TMPRSS9: variants seen among roughly 807,000 people sequenced by gnomAD.
The protein encoded by TMPRSS9 is transmembrane protease serine 9.
In TMPRSS9, 113 loss-of-function variants were observed where a neutral mutation model predicts 111.4. That is an observed-to-expected ratio of 1.01 (90% CI 0.87 to 1.19). The LOEUF (loss-of-function observed/expected upper bound fraction) is 1.19. Ranked by LOEUF, TMPRSS9 falls within the 50% of genes most tolerant of loss-of-function variation. The pLI is 0.00. For synonymous variants in TMPRSS9, 805 were observed against 659.1 expected (o/e 1.22, Z -3.39); for missense variants, 1,803 against 1,513.1 (o/e 1.19, Z -3.18).
chr19:2,422,661 G>A (rs1971493782), intron 14 of TMPRSS9, among the ~76,000 whole-genome samples: 1 of 152,166 alleles, frequency 6.6e-6, no homozygotes, highest in African/African-American at 2.4e-5. Flanking sequence ...CAAGGCGGGT[G>A]GATCGCCAGA....
intron 12 of TMPRSS9, among the ~76,000 whole-genome samples, chr19:2,417,563 A>C (rs1361909445): frequency 1.3e-5 from 2 of 151,028 alleles, no homozygotes; most frequent in Non-Finnish European, 3.0e-5. Context: ...CAGGAGAATC[A>C]CTTGAGCCTG....
intron 1 of TMPRSS9, among the ~76,000 whole-genome samples, chr19:2,393,174 A>T (rs531646654): frequency 4.6e-5 from 7 of 152,170 alleles, no homozygotes; most frequent in Admixed American, 1.3e-4. Context: ...GGACCTTTTC[A>T]CAGTGTAGAG....
At chr19:2,388,492 A>C (rs1970520035), upstream of TMPRSS9, among the ~76,000 whole-genome samples, 1 of 152,328 alleles carries the variant, frequency 6.6e-6, no homozygotes. Context: ...AGACGCTGGT[A>C]AAGATGGGAA....
At chr19:2,420,845 T>C (rs1971447603) in intron 13 of TMPRSS9, among the ~76,000 whole-genome samples, 2 of 152,206 alleles carry the variant, frequency 1.3e-5, no homozygotes, top group African/African-American at 4.8e-5. Flanking sequence ...ATTTATAGTA[T>C]CTATTATTAT....
intron 2 of TMPRSS9, among the ~76,000 whole-genome samples, chr19:2,398,071 G>A (rs575235501): frequency 2.7e-5 from 4 of 150,672 alleles, no homozygotes; most frequent in Non-Finnish European, 5.9e-5. Context: ...TGAGGTGGGC[G>A]GATCACGAGG....
At chr19:2,379,049 G>T (rs957842381) in intron 1 of TMPRSS9, among the ~76,000 whole-genome samples, 2 of 152,092 alleles carry the variant, frequency 1.3e-5, no homozygotes, top group Non-Finnish European at 2.9e-5. Context: ...TTTGGGTGGG[G>T]ACACAGCCAA....
At chr19:2,422,414 C>A (rs997860934) in intron 14 of TMPRSS9, among the ~76,000 whole-genome samples, 167 bp downstream of exon 15, 1 of 151,940 alleles carries the variant, frequency 6.6e-6, no homozygotes, top group Non-Finnish European at 1.5e-5. Context: ...CTTGTCTCTA[C>A]TAAAAAAATA....
upstream of TMPRSS9, among the ~76,000 whole-genome samples, chr19:2,386,485 AC>A (rs1189702817): frequency 1.3e-5 from 2 of 151,086 alleles, no homozygotes; most frequent in African/African-American, 4.9e-5. Context: ...AGCCTGGGTG[AC>A]AGAGCAAGAC....
At chr19:2,406,602 T>G (rs1970975444) in intron 7 of TMPRSS9, among the ~76,000 whole-genome samples, 1 of 151,764 alleles carries the variant, frequency 6.6e-6, no homozygotes, top group Non-Finnish European at 1.5e-5. Flanking sequence ...CCCAAAGTGC[T>G]GGGATTACAG....
chr19:2,418,029 C>T (rs769881051), exon 13 of TMPRSS9: 36 of 1,611,586 alleles, frequency 2.2e-5, no homozygotes, highest in Middle Eastern at 1.6e-4. Flanking sequence ...CTGCAGAAGG[C>T]GTCCGTGGGC....
exon 8 of TMPRSS9, chr19:2,408,472 C>A: frequency 6.2e-7 from 1 of 1,613,936 alleles, no homozygotes; most frequent in Non-Finnish European, 8.5e-7. Flanking sequence ...CTGTACAACG[C>A]GGACACGGCC....
chr19:2,364,636 C>T (rs1355602960), intron 1 of TMPRSS9, among the ~76,000 whole-genome samples: 5 of 152,116 alleles, frequency 3.3e-5, no homozygotes, highest in Admixed American at 2.6e-4. Context: ...AGAGTCCCCG[C>T]ACACCCACCT....
At chr19:2,400,584 A>C (rs1246191350) in intron 4 of TMPRSS9, among the ~76,000 whole-genome samples, 1 of 151,998 alleles carries the variant, frequency 6.6e-6, no homozygotes, top group Admixed American at 6.6e-5. Context: ...TATACAGTGC[A>C]TGATTTTGTA....
At chr19:2,418,247 C>T (rs1333139364) in intron 13 of TMPRSS9, 109 bp downstream of exon 14, 9 of 1,258,246 alleles carry the variant, frequency 7.2e-6, no homozygotes, top group East Asian at 2.5e-5. Flanking sequence ...TCTTTCCTTC[C>T]CCCCCTCCTT....
chr19:2,370,235 C>T (rs144541956), intron 1 of TMPRSS9, among the ~76,000 whole-genome samples: 7 of 149,624 alleles, frequency 4.7e-5, no homozygotes, highest in South Asian at 4.2e-4. Flanking sequence ...CTGGCTAACA[C>T]GGTGAAACCC....
chr19:2,405,649 G>A, intron 7 of TMPRSS9, 104 bp downstream of exon 8: 1 of 1,191,916 alleles, frequency 8.4e-7, no homozygotes, highest in Non-Finnish European at 1.1e-6. Flanking sequence ...GCCCCTGGAA[G>A]TAATTTTTTC....
At chr19:2,374,248 C>CTTTTTTTTTTT (rs1027376774) in intron 1 of TMPRSS9, among the ~76,000 whole-genome samples, 1 of 70,398 alleles carries the variant, frequency 1.4e-5, no homozygotes, top group African/African-American at 4.9e-5. Flanking sequence ...TCTCAACAAT[C>CTTTTTTTTTTT]TTTTTTTTTT....
At position 2,426,137 on chromosome 19, in the gene TMPRSS9, C is replaced by G. The variant is rs746908454; in HGVS notation, c.*49C>G. On this transcript the variant is annotated 3_prime_UTR_variant, in exon 18 of 18. Coordinates refer to ENST00000648592, the Ensembl canonical transcript of TMPRSS9. Reference sequence around the variant, plus strand: ...AGACTCTACGTGAAAGCAACAGGAGCAGCAGGCCACCCAACACCCCACCCC... The same window carrying G: ...AGACTCTACGTGAAAGCAACAGGAGGAGCAGGCCACCCAACACCCCACCCC... 1.9e-6 allele frequency: 3 copies of G among 1,567,292 alleles called. No individual in the cohort carries two copies. The Admixed American group carries it at 5.8e-5, about 30-fold the overall frequency.
intron 5 of TMPRSS9, among the ~76,000 whole-genome samples, chr19:2,402,369 G>A (rs1450796947): frequency 6.6e-6 from 1 of 152,100 alleles, no homozygotes; most frequent in Non-Finnish European, 1.5e-5. Context: ...TTGAACCCAG[G>A]AGGCAGAGGC....
Sources: gnomAD v4.1 joint callset for allele counts (sites outside exome capture counted in the v4.1 genomes callset) on GRCh38, gnomAD v4.1.1 for gene constraint, MANE v1.5 for transcripts, NCBI Gene and HGNC (gene_info 2026-07-23, HGNC 2026-07-21) for gene names.